The following CAMTA1 variants were observed in gnomAD, a reference collection of about 807,000 sequenced individuals.
CAMTA1 encodes the protein calmodulin binding transcription activator 1.
In CAMTA1, 27 loss-of-function variants were observed where a neutral mutation model predicts 170.9. That is an observed-to-expected ratio of 0.16 (90% CI 0.12 to 0.22). The LOEUF is 0.22. CAMTA1 is among the 10% of genes least tolerant of loss of function. The pLI is 1.00. For missense variants in CAMTA1, 1,619 were observed against 2,217.2 expected (o/e 0.73, Z 5.42); for synonymous variants, 833 against 891.5 (o/e 0.93, Z 1.17).
At chr1:7,479,954 T>A (rs1210272100) in intron 6 of CAMTA1, among the ~76,000 whole-genome samples, 1 of 152,052 alleles carries the variant, frequency 6.6e-6, no homozygotes, top group East Asian at 1.9e-4. Context: ...TGTATGTCAG[T>A]GTGTGAGTAC....
chr1:7,111,488 T>C (rs1294665019), intron 4 of CAMTA1, among the ~76,000 whole-genome samples: 13 of 152,204 alleles, frequency 8.5e-5, no homozygotes, highest in Non-Finnish European at 1.5e-5. Flanking sequence ...CAGACAGGCT[T>C]GCACCCATCT....
chr1:7,319,336 T>TC (rs1678006193), intron 5 of CAMTA1, among the ~76,000 whole-genome samples: 1 of 152,050 alleles, frequency 6.6e-6, no homozygotes, highest in Admixed American at 6.6e-5. Context: ...GGGGGCAGAT[T>TC]CCCCCTTGGT....
At chr1:7,451,171 G>A (rs1015964324) in intron 5 of CAMTA1, among the ~76,000 whole-genome samples, 20 of 152,100 alleles carry the variant, frequency 1.3e-4, no homozygotes, top group African/African-American at 3.1e-4. Context: ...ATCTCTCCCC[G>A]TCCCTGACTC....
chr1:7,220,015 C>T (rs892574353), intron 4 of CAMTA1, among the ~76,000 whole-genome samples: 7 of 152,166 alleles, frequency 4.6e-5, no homozygotes, highest in South Asian at 2.1e-4. Flanking sequence ...TCAGACTTCC[C>T]GTCTCCAGAC....
intron 4 of CAMTA1, among the ~76,000 whole-genome samples, chr1:7,236,855 T>C (rs1663970343): frequency 6.6e-6 from 1 of 152,166 alleles, no homozygotes; most frequent in Admixed American, 6.5e-5. Context: ...TGCAGGTGCA[T>C]GAAATATGTA....
rs554508496 is a variant in CAMTA1 at position 6,887,988 on chromosome 1, G to A, written c.234+62778G>A. 1.0e-5 allele frequency: 12 copies of A among 1,178,662 alleles called. No individual in the cohort carries two copies. The South Asian group carries it at 2.0e-4, about 20-fold the overall frequency. The allele number at this position is 1,178,662 out of a possible 1,614,324, so 73.0% of individuals were successfully genotyped here. A position where few individuals can be genotyped will look rare whatever the true frequency, so the allele number is the denominator to read the frequency against. On this transcript the variant is annotated intron_variant, in intron 3 of 22. Transcript: ENST00000303635. This position sits in a 1 kb window ranked among gnomAD's most constrained non-coding sequence, Gnocchi z 4.1. ...CACGCCTCCTGGTCCAGAGGCCTCC[G>A]TGACCATCCATGATGCCACTCTGTC... is the stretch of plus-strand genomic sequence containing the variant.
intron 11 of CAMTA1, among the ~76,000 whole-genome samples, chr1:7,710,335 C>T (rs1393569815): frequency 6.6e-6 from 1 of 152,182 alleles, no homozygotes; most frequent in East Asian, 1.9e-4. Context: ...TGTTGGCTCA[C>T]ACCTGTAATC....
chr1:7,631,431 T>C (rs965501262), intron 6 of CAMTA1, among the ~76,000 whole-genome samples: 1 of 152,166 alleles, frequency 6.6e-6, no homozygotes, highest in African/African-American at 2.4e-5. Context: ...AAAGGCACTC[T>C]CCTTTCTGTA....
chr1:6,840,944 T>C (rs187252269), intron 3 of CAMTA1, among the ~76,000 whole-genome samples: 1 of 152,330 alleles, frequency 6.6e-6, no homozygotes, highest in East Asian at 1.9e-4. Context: ...ATTTCTTAAC[T>C]GTTCTGTAGG....
intron 3 of CAMTA1, among the ~76,000 whole-genome samples, chr1:7,060,094 T>A (rs1032792783): frequency 6.6e-6 from 1 of 152,146 alleles, no homozygotes; most frequent in Non-Finnish European, 1.5e-5. Context: ...AAGTGGGTAA[T>A]TTGCATGATG....
At chr1:7,246,215 T>C (rs1443244328) in intron 4 of CAMTA1, among the ~76,000 whole-genome samples, 3 of 152,204 alleles carry the variant, frequency 2.0e-5, no homozygotes, top group African/African-American at 4.8e-5. Flanking sequence ...CTGAACACTT[T>C]GTGGCTAGAA....
intron 3 of CAMTA1, among the ~76,000 whole-genome samples, chr1:6,945,819 A>C (rs1228586385): frequency 2.0e-5 from 3 of 152,222 alleles, no homozygotes; most frequent in African/African-American, 7.2e-5. Context: ...TCCATGTTGT[A>C]GCGTGTATCA....
intron 1 of CAMTA1, among the ~76,000 whole-genome samples, chr1:6,809,758 G>T (rs1402962565): frequency 6.6e-6 from 1 of 152,082 alleles, no homozygotes; most frequent in Non-Finnish European, 1.5e-5. Flanking sequence ...AGAAAGAATG[G>T]TCGGAGAGGT....
At chr1:7,506,506 CAA>C (rs1036661140) in intron 6 of CAMTA1, among the ~76,000 whole-genome samples, 2 of 151,866 alleles carry the variant, frequency 1.3e-5, no homozygotes, top group African/African-American at 4.8e-5. Context: ...TACTGAAACT[CAA>C]AATTCACACT....
chr1:7,745,355 C>T (rs192286247), intron 17 of CAMTA1, among the ~76,000 whole-genome samples: 2,567 of 152,074 alleles, frequency 0.017, 29 homozygotes, highest in Middle Eastern at 0.031. Flanking sequence ...GGTAAAACCC[C>T]GTCTCTACTA....
rs146562094 is a variant in CAMTA1 at position 6,859,893 on chromosome 1, G to C, written c.234+34683G>C. ...CAAACCCTTACCAATGGTAAGTGTT[G>C]TCAGTCTTTTAAATCCTTTCTCAGC... On this transcript the variant is annotated intron_variant, in intron 3 of 22. Transcript: ENST00000303635. Among the ~76,000 whole-genome samples, 687 of 152,322 alleles carry C rather than the reference G, an allele frequency of 4.5e-3. 8 individuals are homozygous for C. The highest frequency in any genetic ancestry group is 0.016 in the African/African-American group (671 of 41,584).
At chr1:6,815,253 A>G (rs577359150) in intron 1 of CAMTA1, among the ~76,000 whole-genome samples, 14 of 150,384 alleles carry the variant, frequency 9.3e-5, no homozygotes, top group Non-Finnish European at 1.6e-4. Context: ...TGCCTAGGCT[A>G]TAGTGCAGTA....
chr1:7,604,671 C>G (rs2095472042), intron 6 of CAMTA1, among the ~76,000 whole-genome samples: 1 of 152,200 alleles, frequency 6.6e-6, no homozygotes, highest in Admixed American at 6.5e-5. Context: ...AAGACTTCTT[C>G]TCTCAACTCG....
chr1:7,076,850 A>G (rs1639363018), intron 3 of CAMTA1, among the ~76,000 whole-genome samples: 1 of 152,188 alleles, frequency 6.6e-6, no homozygotes, highest in Non-Finnish European at 1.5e-5. Context: ...GGGTAGAACA[A>G]TTACCTCTGT....
Sources: allele counts gnomAD v4.1 joint callset (sites outside exome capture counted in the v4.1 genomes callset), GRCh38; gene constraint gnomAD v4.1.1; non-coding constraint Gnocchi (gnomAD v3.1); transcripts MANE v1.5; gene names NCBI Gene and HGNC (gene_info 2026-07-23, HGNC 2026-07-21).